Variants in CEACAM6 observed in about 807,000 individuals in gnomAD.
The protein encoded by CEACAM6 is cell adhesion molecule CEACAM6.
CEACAM6 carries 21 observed loss-of-function variants against 32.4 expected under a neutral mutation model. The observed-to-expected ratio is 0.65, with a 90% CI of 0.46 to 0.93. CEACAM6 has a LOEUF of 0.93. Ranked by LOEUF, CEACAM6 falls within the 40% of genes least tolerant of loss-of-function variation. The probability of loss-of-function intolerance (pLI) is 0.00; values close to 1 mark genes in which losing one functional copy is unlikely to be tolerated. For synonymous variants in CEACAM6, 184 were observed against 174.4 expected, an observed-to-expected ratio of 1.06 and a Z score of -0.43; for missense variants, 406 against 432.2, an observed-to-expected ratio of 0.94 and a Z score of 0.54.
intron 2 of CEACAM6, 118 bp from the exon 3 acceptor site, chr19:41,761,131 G>A: frequency 1.3e-6 from 2 of 1,555,954 alleles, no homozygotes; most frequent in Non-Finnish European, 1.7e-6. Flanking sequence ...ACACCTGCCA[G>A]GGGCTTTTAA....
Position 41,756,750 on chromosome 19 carries a change from G to A in CEACAM6, c.215G>A (p.Arg72Lys). ...RIGYSWYKGE[R>K]VDGNSLIVGY... is the part of the protein sequence containing the mutation. Reference sequence around the variant, plus strand: ...GGTTACAGCTGGTACAAAGGCGAAAGAGTGGATGGCAACAGTCTAATTGTA... The same window carrying A: ...GGTTACAGCTGGTACAAAGGCGAAAAAGTGGATGGCAACAGTCTAATTGTA... The change falls in exon 2 of 6, where the codon AGA (arginine) becomes AAA (lysine). Residue 72 changes from arginine (R) to lysine (K), a missense_variant. Transcript: ENST00000199764. 1 of 1,614,128 alleles carries A rather than the reference G, an allele frequency of 6.2e-7. No individual in the cohort carries two copies. The highest frequency in any genetic ancestry group is 8.5e-7 in the Non-Finnish European group (1 of 1,180,020).
At position 41,759,459 on chromosome 19, in the gene CEACAM6, C is replaced by T. The variant is rs567579020; in HGVS notation, c.425-1790C>T. On this transcript the variant is annotated intron_variant, in intron 2 of 5. Transcript: ENST00000199764. The stretch of plus-strand genomic sequence containing the variant: ...TTTCTAAATTTACTAACATAACACA[C>T]GTTGCTTCTAATTTGGCATCGTTCC... Among the ~76,000 whole-genome samples the T allele has an allele frequency of 5.6e-4, 85 of 152,320 alleles. 1 individual carries two copies. Among genetic ancestry groups the T allele is most frequent in the African/African-American group, 1.4e-3 (60 of 41,574 alleles).
intron 5 of CEACAM6, among the ~76,000 whole-genome samples, chr19:41,767,910 T>C (rs1347644441): frequency 2.0e-5 from 3 of 152,192 alleles, no homozygotes; most frequent in Non-Finnish European, 4.4e-5. Context: ...TGTCAAATGA[T>C]AAGTGATGCT....
intron 2 of CEACAM6, among the ~76,000 whole-genome samples, chr19:41,757,545 C>G (rs1204535012): frequency 6.6e-6 from 1 of 152,138 alleles, no homozygotes; most frequent in Non-Finnish European, 1.5e-5. Context: ...GGGCCTCCTC[C>G]TTCACTTGAG....
intron 4 of CEACAM6, among the ~76,000 whole-genome samples, chr19:41,765,942 C>T (rs2072953079): frequency 2.0e-5 from 3 of 152,176 alleles, no homozygotes; most frequent in Admixed American, 2.0e-4. Context: ...AGCAATCAGA[C>T]TTTCTCAAAT....
chr19:41,757,188 G>C (rs2072893786), intron 2 of CEACAM6, among the ~76,000 whole-genome samples: 1 of 152,088 alleles, frequency 6.6e-6, no homozygotes, highest in Admixed American at 6.5e-5. Context: ...CAGTCTGATG[G>C]GGGGACTCAG....
chr19:41,768,076 T>C (rs2072966747), intron 5 of CEACAM6, among the ~76,000 whole-genome samples: 1 of 151,990 alleles, frequency 6.6e-6, no homozygotes, highest in South Asian at 2.1e-4. Flanking sequence ...TTTTTATTTT[T>C]ATTTTTATTT....
At chr19:41,762,787 T>C (rs185404449) in intron 4 of CEACAM6, among the ~76,000 whole-genome samples, 1 of 152,224 alleles carries the variant, frequency 6.6e-6, no homozygotes, top group Admixed American at 6.5e-5. Context: ...CCAGGGCATA[T>C]GGAGAAGGTG....
chr19:41,763,173 G>A (rs1392853531), intron 4 of CEACAM6, among the ~76,000 whole-genome samples: 5 of 151,974 alleles, frequency 3.3e-5, no homozygotes, highest in South Asian at 4.2e-4. Context: ...ACACATTCCC[G>A]TTGTTCTGCT....
intron 2 of CEACAM6, among the ~76,000 whole-genome samples, chr19:41,760,965 A>C (rs939695272): frequency 6.6e-6 from 1 of 152,222 alleles, no homozygotes; most frequent in Non-Finnish European, 1.5e-5. Flanking sequence ...AACCAGGAGA[A>C]GCACAAGGGG....
At chr19:41,766,832 C>T (rs1238589778) in intron 5 of CEACAM6, among the ~76,000 whole-genome samples, 1 of 151,926 alleles carries the variant, frequency 6.6e-6, no homozygotes, top group African/African-American at 2.4e-5. Context: ...CAGTGAAACC[C>T]CGTCTCTAGT....
intron 5 of CEACAM6, among the ~76,000 whole-genome samples, chr19:41,768,761 G>A (rs2072973122): frequency 6.6e-6 from 1 of 151,668 alleles, no homozygotes; most frequent in East Asian, 2.0e-4. Flanking sequence ...GGACGGGGCG[G>A]CTGGCCGGGC....
chr19:41,768,791 C>T (rs1555822670), intron 5 of CEACAM6, among the ~76,000 whole-genome samples: 1 of 152,136 alleles, frequency 6.6e-6, no homozygotes, highest in African/African-American at 2.4e-5. Context: ...CCTCACTTCC[C>T]AGTAGGGGCG....
chr19:41,756,473 C>G (rs2072885810), intron 1 of CEACAM6, 127 bp from the exon 2 acceptor site: 2 of 1,380,080 alleles, frequency 1.4e-6, no homozygotes, highest in African/African-American at 4.3e-5. Context: ...CACACACACA[C>G]ACACACACAC....
At chr19:41,769,712 C>A (rs1390103964) in intron 5 of CEACAM6, among the ~76,000 whole-genome samples, 2 of 131,072 alleles carry the variant, frequency 1.5e-5, no homozygotes, top group East Asian at 2.1e-4. Flanking sequence ...GTTATTTGCA[C>A]AAAAAATATA....
Position 41,771,962 on chromosome 19 carries a change from G to A in CEACAM6, c.*1201G>A, listed in dbSNP as rs1041797404. 1 of 151,918 alleles carries A rather than the reference G, an allele frequency of 6.6e-6. No individual in the cohort carries two copies. The highest frequency in any genetic ancestry group is 1.5e-5 in the Non-Finnish European group (1 of 67,964). 9.4% of individuals were successfully genotyped at this position (151,918 alleles called of 1,614,324 possible). On this transcript the variant is annotated 3_prime_UTR_variant, in exon 6 of 6. Coordinates refer to ENST00000199764, the MANE Select transcript of CEACAM6 (RefSeq NM_002483.7). The stretch of plus-strand genomic sequence containing the variant: ...CAATTTAAAAAAAAAAAGAACACAG[G>A]AGATTCCAGTCTACTTGAGTTAGCA...
At chr19:41,762,595 C>A (rs1345102322) in intron 4 of CEACAM6, among the ~76,000 whole-genome samples, 1 of 152,070 alleles carries the variant, frequency 6.6e-6, no homozygotes, top group Admixed American at 6.5e-5. Context: ...TCTTTGTGTT[C>A]TTTTACCTAC....
chr19:41,766,265 C>T lies in CEACAM6; in HGVS notation c.*6C>T. On this transcript the variant is annotated 3_prime_UTR_variant, in exon 5 of 6. Coordinates refer to ENST00000199764, the MANE Select transcript of CEACAM6 (RefSeq NM_002483.7). ...CCAGGGTGGCTCTGATATAGCAGCC[C>T]TGGTGTATTTTCGATATTTCAGGAA... 1 of 1,583,438 alleles carries T rather than the reference C, an allele frequency of 6.3e-7. No homozygotes were observed. Among genetic ancestry groups the T allele is most frequent in the Non-Finnish European group, 8.6e-7 (1 of 1,166,316 alleles).
At chr19:41,768,358 T>C (rs190518942) in intron 5 of CEACAM6, among the ~76,000 whole-genome samples, 2,828 of 152,300 alleles carry the variant, frequency 0.019, 94 homozygotes, top group African/African-American at 0.065. Context: ...TGTACCGCCC[T>C]TAATCCATTT....
Sources: gnomAD v4.1 joint callset for allele counts (sites outside exome capture counted in the v4.1 genomes callset) on GRCh38, gnomAD v4.1.1 for gene constraint, MANE v1.5 for transcripts, NCBI Gene and HGNC (gene_info 2026-07-23, HGNC 2026-07-21) for gene names.